The following PCDHA5 variants were observed in gnomAD, a reference collection of about 807,000 sequenced individuals.
The protein encoded by PCDHA5 is protocadherin alpha-5.
In PCDHA5, 43 loss-of-function variants were observed where a neutral mutation model predicts 61.6. The observed-to-expected ratio is 0.70, with a 90% CI of 0.55 to 0.90. The LOEUF (loss-of-function observed/expected upper bound fraction) is 0.90, where lower values mean the gene tolerates loss of function less well. Among genes scored for constraint, PCDHA5 ranks in the 40% least tolerant of loss-of-function variants. The pLI is 0.00. For missense variants in PCDHA5, 1,298 were observed against 1,222.7 expected (o/e 1.06, Z -0.92); for synonymous variants, 627 against 543.9 (o/e 1.15, Z -2.13).
intron 1 of PCDHA5, chr5:140,860,892 C>A (rs1554153919): frequency 6.6e-6 from 1 of 152,368 alleles, no homozygotes; most frequent in Non-Finnish European, 1.5e-5. Flanking sequence ...TGCCCGCCAA[C>A]ACGCCAGGCT....
rs376867914 is a variant in PCDHA5 at position 140,880,239 on chromosome 5, TGC to T, written c.2352+56114_2352+56115del. Among the ~76,000 whole-genome samples the T allele has an allele frequency of 5.6e-3, 860 of 152,302 alleles. 5 individuals carry two copies. The highest frequency in any genetic ancestry group is 0.014 in the Middle Eastern group (4 of 294). On this transcript the variant is annotated intron_variant, in intron 1 of 3. Transcript: ENST00000529859. ...AGTAGAACATTTAAATTAGTGTATG[TGC>T]GTGTGTGTATGTATACATATTTTAG...
intron 1 of PCDHA5, chr5:140,877,792 C>A (rs782259804): frequency 1.9e-6 from 3 of 1,613,886 alleles, no homozygotes; most frequent in Non-Finnish European, 2.5e-6. Flanking sequence ...GGCCTTCAGC[C>A]CAAGCCTTCA....
intron 1 of PCDHA5, chr5:140,829,661 G>T: frequency 1.2e-6 from 2 of 1,612,716 alleles, no homozygotes; most frequent in Non-Finnish European, 1.7e-6. Flanking sequence ...GCAGCCGCTG[G>T]ACCACGAGGA....
At chr5:140,891,246 A>AT (rs1213637493) in intron 1 of PCDHA5, among the ~76,000 whole-genome samples, 11 of 151,766 alleles carry the variant, frequency 7.2e-5, no homozygotes, top group South Asian at 2.1e-4. Context: ...ATTCAGTAGG[A>AT]TTTTTTTTAA....
intron 1 of PCDHA5, among the ~76,000 whole-genome samples, chr5:140,913,939 A>G (rs1175115466): frequency 1.3e-5 from 2 of 152,116 alleles, no homozygotes. Flanking sequence ...TCAGAGAAGA[A>G]TCTTGATATG....
At chr5:141,005,529 C>A (rs1387576846) in intron 3 of PCDHA5, among the ~76,000 whole-genome samples, 2 of 151,154 alleles carry the variant, frequency 1.3e-5, no homozygotes, top group Non-Finnish European at 2.9e-5. Context: ...CGGTGAAACC[C>A]CGTCTCTACT....
intron 1 of PCDHA5, chr5:140,875,490 A>G: frequency 6.2e-7 from 1 of 1,612,864 alleles, no homozygotes; most frequent in Non-Finnish European, 8.5e-7. Context: ...TTATCGGACC[A>G]AGAGGCCCGG....
chr5:140,891,241 G>A (rs2153433469), intron 1 of PCDHA5, among the ~76,000 whole-genome samples: 1 of 152,200 alleles, frequency 6.6e-6, no homozygotes, highest in Middle Eastern at 3.4e-3. Flanking sequence ...TCTGGATTCA[G>A]TAGGATTTTT....
intron 3 of PCDHA5, among the ~76,000 whole-genome samples, chr5:140,995,371 C>T (rs143381591): frequency 1.3e-5 from 2 of 152,238 alleles, no homozygotes; most frequent in African/African-American, 2.4e-5. Flanking sequence ...GGATGATTCA[C>T]GTACTGGGCA....
At chr5:140,929,281 C>A in intron 1 of PCDHA5, 1 of 1,602,592 alleles carries the variant, frequency 6.2e-7, no homozygotes, top group Non-Finnish European at 8.5e-7. Context: ...ATCCTGTATT[C>A]AGATTCGGAA....
In PCDHA5 at chr5:140,928,366, C is replaced by T. The variant is rs73793524; in HGVS notation, c.2353-50583C>T. 1.5e-3 allele frequency: 2,439 copies of T among 1,614,110 alleles called. 35 individuals carry two copies. In the African/African-American group the frequency reaches 0.03, roughly 20 times the overall value. ...GCTGTTGGATGTTATCTCTGAAGGG[C>T]CATCAGCCTCTAGCTTGCTGGCAGT... On this transcript the variant is annotated intron_variant, in intron 1 of 3. Coordinates refer to ENST00000529859, the MANE Select transcript of PCDHA5 (RefSeq NM_018908.3).
At position 140,926,799 on chromosome 5, in the gene PCDHA5, T is replaced by G. The variant is rs561004739; in HGVS notation, c.2353-52150T>G. Reference sequence around the variant, plus strand: ...AGTGACGGCCGGCAGGAGCGTGCTCTTCCCCGCGGCTCGTGCTCTCCAGGA... The same window carrying G: ...AGTGACGGCCGGCAGGAGCGTGCTCGTCCCCGCGGCTCGTGCTCTCCAGGA... On this transcript the variant is annotated intron_variant, in intron 1 of 3. Transcript: ENST00000529859. The G allele has an allele frequency of 1.6e-4, 230 of 1,456,322 alleles. 2 individuals carry two copies. The African/African-American group carries it at 2.6e-3, about 16-fold the overall frequency. The allele number at this position is 1,456,322 out of a possible 1,614,324, so 90.2% of individuals were successfully genotyped here.
chr5:140,916,092 A>T (rs1396935399), intron 1 of PCDHA5, among the ~76,000 whole-genome samples: 1 of 152,092 alleles, frequency 6.6e-6, no homozygotes, highest in Non-Finnish European at 1.5e-5. Flanking sequence ...GTCCACAGGG[A>T]ATCTGCCTGG....
At chr5:141,005,632 G>C (rs2098225457) in intron 3 of PCDHA5, among the ~76,000 whole-genome samples, 2 of 148,162 alleles carry the variant, frequency 1.3e-5, no homozygotes, top group Non-Finnish European at 3.0e-5. Context: ...AACCCGGGAG[G>C]CGGAGCTTGC....
In PCDHA5 at chr5:140,848,285, C is replaced by A. The variant is rs2150408028; in HGVS notation, c.2352+24158C>A. On this transcript the variant is annotated intron_variant, in intron 1 of 3. Coordinates refer to ENST00000529859, the MANE Select transcript of PCDHA5 (RefSeq NM_018908.3). ...TTTATTCATGAAATATGTACTTACA[C>A]TTTGGGCCACGTGATGTCACTCTTT... 1.5e-5 allele frequency: 9 copies of A among 616,904 alleles called. 3 individuals are homozygous for A. The highest frequency in any genetic ancestry group is 2.6e-5 in the Non-Finnish European group (9 of 351,312). 38.2% of individuals were successfully genotyped at this position (616,904 alleles called of 1,614,324 possible).
chr5:140,841,750 A>G (rs1554138520), intron 1 of PCDHA5: 6 of 1,613,798 alleles, frequency 3.7e-6, no homozygotes, highest in Non-Finnish European at 5.1e-6. Context: ...TGTTTGTTTC[A>G]GAATCCAGAA....
chr5:140,953,601 C>T (rs1448878513), intron 1 of PCDHA5, among the ~76,000 whole-genome samples: 3 of 152,014 alleles, frequency 2.0e-5, no homozygotes, highest in Non-Finnish European at 4.4e-5. Flanking sequence ...TTGTTTATTC[C>T]CCAGAGTCCT....
chr5:140,934,373 T>G (rs1414749100), intron 1 of PCDHA5, among the ~76,000 whole-genome samples: 1 of 152,182 alleles, frequency 6.6e-6, no homozygotes, highest in African/African-American at 2.4e-5. Flanking sequence ...TGACTCCTTC[T>G]GTGGTTCTAT....
At chr5:140,928,739 G>A in intron 1 of PCDHA5, 1 of 1,614,148 alleles carries the variant, frequency 6.2e-7, no homozygotes, top group African/African-American at 1.3e-5. Flanking sequence ...GCCAATATAG[G>A]TGAGCTCCGT....
Sources: gnomAD v4.1 joint callset for allele counts (sites outside exome capture counted in the v4.1 genomes callset) on GRCh38, gnomAD v4.1.1 for gene constraint, MANE v1.5 for transcripts, NCBI Gene and HGNC (gene_info 2026-07-23, HGNC 2026-07-21) for gene names.